The following GPHN variants were observed in gnomAD, a reference collection of about 807,000 sequenced individuals.
GPHN encodes gephyrin.
Under a neutral mutation model 95.5 loss-of-function variants are expected in GPHN, and 17 were observed. That is an observed-to-expected ratio of 0.18 (90% confidence interval 0.12 to 0.27). The LOEUF (loss-of-function observed/expected upper bound fraction) is 0.27. Ranked by LOEUF, GPHN falls within the 10% of genes least tolerant of loss-of-function variation. The pLI is 1.00. For synonymous variants in GPHN, 320 were observed against 322.5 expected (o/e 0.99, Z 0.08); for missense variants, 660 against 978.1 (o/e 0.67, Z 4.34).
chr14:66,508,707 G>A lies in GPHN; in HGVS notation c.64+116G>A, dbSNP rs919085021. 2.4e-5 allele frequency: 22 copies of A among 921,064 alleles called. No individual in the cohort carries two copies. In the African/African-American group the frequency reaches 3.2e-4, roughly 14 times the overall value. 57.1% of individuals were successfully genotyped at this position (921,064 alleles called of 1,614,324 possible). A position where few individuals can be genotyped will look rare whatever the true frequency, so the allele number is the denominator to read the frequency against. On this transcript the variant is annotated intron_variant, in intron 1 of 22. Transcript: ENST00000478722. ...CGGGAGGAGGGAAGGCTGAAGAAGG[G>A]AACCGCGGGGGTGCATTTTACAACC...
intron 2 of GPHN, among the ~76,000 whole-genome samples, chr14:66,769,767 G>C (rs1045850581): frequency 6.6e-6 from 1 of 152,108 alleles, no homozygotes; most frequent in African/African-American, 2.4e-5. Context: ...CTTTGCTATT[G>C]TGGATAGTGT....
chr14:66,740,220 A>G (rs957838976), intron 2 of GPHN, among the ~76,000 whole-genome samples: 1 of 152,148 alleles, frequency 6.6e-6, no homozygotes, highest in Non-Finnish European at 1.5e-5. Flanking sequence ...AGAGCTTTCT[A>G]TAAGAAGAAA....
the GPHN span, chr14:67,577,193 C>T: frequency 6.0e-4 from 442 of 738,294 alleles, 1 homozygote; most frequent in African/African-American, 6.6e-3. Context: ...CAAGTGTTGA[C>T]GGAAGATAAA....
chr14:66,930,891 C>T (rs567757030), intron 8 of GPHN, among the ~76,000 whole-genome samples: 4 of 152,284 alleles, frequency 2.6e-5, no homozygotes, highest in African/African-American at 9.6e-5. Flanking sequence ...TTATACATCA[C>T]ACTTAACAGT....
chr14:67,717,609 A>AT, the GPHN span, among the ~76,000 whole-genome samples: 17 of 152,278 alleles, frequency 1.1e-4, no homozygotes, highest in East Asian at 3.3e-3. Context: ...AACGGGGGTG[A>AT]TTTTGCCCCA....
rs749970167 is a variant in GPHN, at chr14:66,724,021, A to AC, written c.143+42836_143+42837insC. Among the ~76,000 whole-genome samples the AC allele has an allele frequency of 1.7e-4, 26 of 151,714 alleles. No individual in the cohort carries two copies. In the East Asian group the frequency reaches 3.9e-3, roughly 23 times the overall value. On this transcript the variant is annotated intron_variant, in intron 2 of 22. Coordinates refer to ENST00000478722, the MANE Select transcript of GPHN (RefSeq NM_020806.5). ...CACACACACACACACACACACACAC[A>AC]AACAGATTCAAATAAAGATCTTACA...
intron 1 of GPHN, among the ~76,000 whole-genome samples, chr14:66,619,758 T>C (rs1410546947): frequency 1.3e-5 from 2 of 152,204 alleles, no homozygotes; most frequent in Non-Finnish European, 2.9e-5. Context: ...CATTTTAAAA[T>C]GTTTCATTTA....
chr14:66,619,992 T>A (rs1322296098), intron 1 of GPHN, among the ~76,000 whole-genome samples: 1 of 152,164 alleles, frequency 6.6e-6, no homozygotes, highest in Non-Finnish European at 1.5e-5. Context: ...CAGGATTTGA[T>A]CGCCAGTGTT....
chr14:66,610,195 G>T (rs1250422940), intron 1 of GPHN, among the ~76,000 whole-genome samples: 1 of 152,146 alleles, frequency 6.6e-6, no homozygotes, highest in East Asian at 1.9e-4. Flanking sequence ...GATGTATATT[G>T]GCAGAATATT....
the GPHN span, among the ~76,000 whole-genome samples, chr14:67,396,387 A>G: frequency 1.3e-5 from 2 of 151,146 alleles, no homozygotes; most frequent in Non-Finnish European, 2.9e-5. Context: ...ACCTCAGGTG[A>G]TCTGCCAGCC....
chr14:67,061,009 C>G (rs1239169516), intron 11 of GPHN, among the ~76,000 whole-genome samples: 2 of 152,030 alleles, frequency 1.3e-5, no homozygotes, highest in African/African-American at 4.8e-5. Context: ...TCTACATTCC[C>G]TCTGTTACTG....
At chr14:66,518,532 G>A (rs140358015) in intron 1 of GPHN, among the ~76,000 whole-genome samples, 1 of 152,196 alleles carries the variant, frequency 6.6e-6, no homozygotes, top group African/African-American at 2.4e-5. Flanking sequence ...AGAGACACGT[G>A]TACCATATTT....
intron 3 of GPHN, among the ~76,000 whole-genome samples, chr14:66,785,176 T>G (rs1490158682): frequency 1.3e-5 from 2 of 152,148 alleles, no homozygotes; most frequent in Non-Finnish European, 2.9e-5. Flanking sequence ...TAGACCAGCC[T>G]GGCCAACATG....
At position 67,058,677 on chromosome 14, in the gene GPHN, G is replaced by A. The variant is rs751921155; in HGVS notation, c.1035G>A (p.Val345=). The A allele has an allele frequency of 6.2e-6, 10 of 1,613,236 alleles. No individual in the cohort carries two copies. The East Asian group carries it at 1.6e-4, about 25-fold the overall frequency. ...ACAGTGCTGTCGATATCACCAAGGT[G>A]GCTAGAAGACATCGCATGTCTCCTT... ...ASHSAVDITK[V]ARRHRMSPFP... is the part of the protein sequence containing the mutation. Residue 345 remains valine (V), a synonymous_variant, in exon 11 of 23, where the codon GTG becomes GTA. Coordinates refer to ENST00000478722, the MANE Select transcript of GPHN (RefSeq NM_020806.5).
chr14:67,662,211 C>A, the GPHN span, among the ~76,000 whole-genome samples: 1 of 151,920 alleles, frequency 6.6e-6, no homozygotes, highest in Non-Finnish European at 1.5e-5. Flanking sequence ...TAAAAGACTG[C>A]TTGGGTAAAA....
chr14:67,237,941 C>T, the GPHN span, among the ~76,000 whole-genome samples: 1 of 152,098 alleles, frequency 6.6e-6, no homozygotes, highest in Admixed American at 6.5e-5. Context: ...CTCTTAACCT[C>T]CTATGCTATC....
the GPHN span, chr14:67,678,345 G>T: frequency 6.2e-7 from 1 of 1,613,808 alleles, no homozygotes; most frequent in African/African-American, 1.3e-5. Flanking sequence ...GGCCCAGCAG[G>T]TCACAACTGA....
chr14:66,768,219 GTATAT>G (rs1162061884), intron 2 of GPHN, among the ~76,000 whole-genome samples: 1 of 151,792 alleles, frequency 6.6e-6, no homozygotes, highest in Non-Finnish European at 1.5e-5. Flanking sequence ...CATCTGTTTG[GTATAT>G]ACATGCAAGA....
chr14:67,465,921 A>G, the GPHN span, among the ~76,000 whole-genome samples: 1 of 152,086 alleles, frequency 6.6e-6, no homozygotes, highest in Non-Finnish European at 1.5e-5. Flanking sequence ...CCACAAGCCT[A>G]GGAAGCCAAG....
Sources: allele counts gnomAD v4.1 joint callset (sites outside exome capture counted in the v4.1 genomes callset), GRCh38; gene constraint gnomAD v4.1.1; transcripts MANE v1.5; gene names NCBI Gene and HGNC (gene_info 2026-07-23, HGNC 2026-07-21).